Variants in ADGRA2 observed in about 807,000 individuals in gnomAD.
ADGRA2 encodes G-protein coupled receptor 124.
In ADGRA2, 61 loss-of-function variants were observed where a neutral mutation model predicts 98.7. The ratio of observed to expected loss-of-function variants is 0.62; its 90% CI spans 0.50 to 0.76. The LOEUF (loss-of-function observed/expected upper bound fraction) is 0.76, where lower values mean the gene tolerates loss of function less well. Among genes scored for constraint, ADGRA2 ranks in the 30% least tolerant of loss-of-function variants. ADGRA2 has a pLI of 0.00. For missense variants in ADGRA2, 1,712 were observed against 1,860.0 expected (o/e 0.92, Z 1.46); for synonymous variants, 858 against 831.5 (o/e 1.03, Z -0.55).
intron 1 of ADGRA2, among the ~76,000 whole-genome samples, chr8:37,804,100 G>GACACACACACAC (rs60565183): frequency 0.042 from 4,452 of 107,016 alleles, 271 homozygotes; most frequent in East Asian, 0.062. Flanking sequence ...CCCACGGTGA[G>GACACACACACAC]ACACACACAC....
At position 37,797,786 on chromosome 8, in the gene ADGRA2, ACCTGCACAGGTGAAGTGGAGAGCACG is replaced by A. The variant is rs1047066717; in HGVS notation, c.266+259_266+284del. On this transcript the variant is annotated intron_variant, in intron 1 of 18. Coordinates refer to ENST00000412232, the MANE Select transcript of ADGRA2 (RefSeq NM_032777.10). The surrounding 1 kb of genome is among the most constrained non-coding windows in gnomAD (Gnocchi z 5.3). The stretch of plus-strand genomic sequence containing the variant: ...AGAAAGGCACCGCAGGCGCCCACTC[ACCTGCACAGGTGAAGTGGAGAGCACG>A]CCTGCAGGGCACCCACGCCCCGGAT... 6.6e-6 allele frequency among the ~76,000 whole-genome samples: 1 copy of A among 152,154 alleles called. No individual in the cohort carries two copies. The highest frequency in any genetic ancestry group is 6.5e-5 in the Admixed American group (1 of 15,290).
At chr8:37,812,443 C>T (rs996248060) in intron 1 of ADGRA2, among the ~76,000 whole-genome samples, 28 of 152,112 alleles carry the variant, frequency 1.8e-4, no homozygotes, top group Non-Finnish European at 2.5e-4. Flanking sequence ...CTGGCTAACA[C>T]GGTGAAACCC....
chr8:37,841,119 C>T lies in ADGRA2; in HGVS notation c.2781C>T (p.Ala927=). ...TGGTGTGGCGTCCAAGCCTTGGCGC[C>T]TTCTACATCCCTGTGGCTTTGATTC... ...CWLVWRPSLG[A]FYIPVALILL... is the part of the protein sequence containing the mutation. Residue 927 remains alanine (A), a synonymous_variant, in exon 19 of 19, where the codon GCC becomes GCT. Transcript: ENST00000412232. This position sits in a 1 kb window ranked among gnomAD's most constrained non-coding sequence, Gnocchi z 5.0. The T allele has an allele frequency of 1.9e-6, 3 of 1,608,260 alleles. No individual in the cohort carries two copies. Among genetic ancestry groups the T allele is most frequent in the East Asian group, 2.2e-5 (1 of 44,824 alleles).
chr8:37,805,809 C>T (rs1376556789), intron 1 of ADGRA2, among the ~76,000 whole-genome samples: 2 of 152,070 alleles, frequency 1.3e-5, no homozygotes, highest in East Asian at 3.8e-4. Flanking sequence ...GTGGAGGTTG[C>T]AGTGAGCCGA....
chr8:37,839,411 G>T, intron 15 of ADGRA2, 88 bp from the exon 16 acceptor site: 3 of 1,561,350 alleles, frequency 1.9e-6, no homozygotes, highest in Non-Finnish European at 2.6e-6. Context: ...ATATGTGCCT[G>T]CCCCCCGTGG....
Position 37,838,946 on chromosome 8 carries a change from C to A in ADGRA2, c.2260-10C>A, listed in dbSNP as rs1327916617. ...ACATTCCTCACGTCCTCCTTCCTGC[C>A]CTTTCCCAGGAGCTGAGCGCCTTTC... On this transcript the variant is annotated splice_polypyrimidine_tract_variant and intron_variant, in intron 14 of 18. Coordinates refer to ENST00000412232, the MANE Select transcript of ADGRA2 (RefSeq NM_032777.10). The A allele has an allele frequency of 7.1e-6, 11 of 1,558,518 alleles. No individual in the cohort carries two copies. In the African/African-American group the frequency reaches 9.6e-5, roughly 14 times the overall value.
At chr8:37,825,268 TCTCA>T (rs1053628946) in intron 2 of ADGRA2, among the ~76,000 whole-genome samples, 16 of 151,738 alleles carry the variant, frequency 1.1e-4, no homozygotes, top group African/African-American at 3.9e-4. Flanking sequence ...TTTTTAAGAG[TCTCA>T]CTCTGTCGTC....
chr8:37,814,153 G>A lies in ADGRA2; in HGVS notation c.267-743G>A, dbSNP rs947169996. 6.6e-6 allele frequency among the ~76,000 whole-genome samples: 1 copy of A among 152,206 alleles called. No individual in the cohort carries two copies. Among genetic ancestry groups the A allele is most frequent in the African/African-American group, 2.4e-5 (1 of 41,444 alleles). On this transcript the variant is annotated intron_variant, in intron 1 of 18. Transcript: ENST00000412232. The surrounding 1 kb of genome is among the most constrained non-coding windows in gnomAD (Gnocchi z 4.3). ...CCAGCAGGGAGCTTGGCAGAGAAAG[G>A]CTGAGTGGGTGGGCGGAGATGAGAC...
Position 37,835,236 on chromosome 8 carries a change from C to T in ADGRA2, c.1671C>T (p.Thr557=). 6.2e-7 allele frequency: 1 copy of T among 1,614,002 alleles called. No individual in the cohort carries two copies. The highest frequency in any genetic ancestry group is 2.2e-5 in the East Asian group (1 of 44,868). The change falls in exon 12 of 19, where the codon ACC becomes ACT. Residue 557 remains threonine, a synonymous_variant. Coordinates refer to ENST00000412232, the MANE Select transcript of ADGRA2 (RefSeq NM_032777.10). The stretch of plus-strand genomic sequence containing the variant: ...AGCCGCACAGCTACGTGGGCCTGAC[C>T]TGCACAGCCTTCCAGAGGAGGGAGG... ...LIKPHSYVGL[T]CTAFQRREGG...
Position 37,842,063 on chromosome 8 carries a change from T to C in ADGRA2, c.3725T>C (p.Leu1242Pro). ...AGCCGCAACAGCCCGGGCGCCGGCC[T>C]GCAGCTGGAAGGCGAGCCCATGCTC... ...GSSRNSPGAG[L>P]QLEGEPMLTP... Residue 1242 changes from leucine to proline, a missense_variant, in exon 19 of 19, where the codon CTG becomes CCG. Physicochemically the swap from Leu to Pro is moderately conservative, Grantham distance 98. Transcript: ENST00000412232. 1 of 1,516,750 alleles carries C rather than the reference T, an allele frequency of 6.6e-7. No individual in the cohort carries two copies. The highest frequency in any genetic ancestry group is 2.0e-5 in the Admixed American group (1 of 48,794). 94.0% of individuals were successfully genotyped at this position (1,516,750 alleles called of 1,614,324 possible).
Position 37,797,153 on chromosome 8 carries a change from T to C in ADGRA2, c.-116T>C, listed in dbSNP as rs1235413735. 1.2e-5 allele frequency: 9 copies of C among 769,218 alleles called. No homozygotes were observed. The highest frequency in any genetic ancestry group is 1.5e-5 in the Non-Finnish European group (9 of 593,920). The allele number at this position is 769,218 out of a possible 1,614,324, so 47.6% of individuals were successfully genotyped here. A position where few individuals can be genotyped will look rare whatever the true frequency, so the allele number is the denominator to read the frequency against. On this transcript the variant is annotated 5_prime_UTR_variant, in exon 1 of 19. Transcript: ENST00000412232. This position sits in a 1 kb window ranked among gnomAD's most constrained non-coding sequence, Gnocchi z 5.3. ...GGCTCGCCTCCGCCCAGGGCCCCCC[T>C]CCACGCCCTCGGGAGCCCCGGGCCC...
intron 1 of ADGRA2, among the ~76,000 whole-genome samples, chr8:37,800,275 G>A (rs1473831640): frequency 6.6e-6 from 1 of 152,210 alleles, no homozygotes; most frequent in Non-Finnish European, 1.5e-5. Flanking sequence ...TGGACCGGGA[G>A]GTGGGAGGTG....
At position 37,841,276 on chromosome 8, in the gene ADGRA2, AG is replaced by A; in HGVS notation, c.2942del (p.Gly981AlafsTer6). 6.2e-7 allele frequency: 1 copy of A among 1,611,954 alleles called. No homozygotes were observed. Among genetic ancestry groups the A allele is most frequent in the Non-Finnish European group, 8.5e-7 (1 of 1,179,072 alleles). On this transcript the variant is annotated frameshift_variant, in exon 19 of 19. Coordinates refer to ENST00000412232, the MANE Select transcript of ADGRA2 (RefSeq NM_032777.10). LOFTEE classifies it low-confidence loss of function (END_TRUNC). The surrounding 1 kb of genome is among the most constrained non-coding windows in gnomAD (Gnocchi z 5.0). ...GEELRGSTRLRGSGPLLSDSG... is the reference protein window; with the variant it reads ...GEELRGSTRLXGSGPLLSDSG... ...GGAGCTGAGGGGTTCCACCAGGCTCAGGGGCAGCGGCCCCCTCCTGAGTGAC... is the reference window on the plus strand; with the variant it reads ...GGAGCTGAGGGGTTCCACCAGGCTCAGGGCAGCGGCCCCCTCCTGAGTGAC...
At position 37,843,459 on chromosome 8, in the gene ADGRA2, A is replaced by AG. The variant is rs1424640369; in HGVS notation, c.*1108dup. ...GTGGCTGGGGTCCCTGCAGGTCATG[A>AG]GGGGCCTATGCCTTTACTCCTTTTA... On this transcript the variant is annotated 3_prime_UTR_variant, in exon 19 of 19. Transcript: ENST00000412232. The AG allele has an allele frequency of 6.6e-6, 1 of 152,220 alleles. No homozygotes were observed. Among genetic ancestry groups the AG allele is most frequent in the Non-Finnish European group, 1.5e-5 (1 of 68,050 alleles). 9.4% of individuals were successfully genotyped at this position (152,220 alleles called of 1,614,324 possible).
intron 2 of ADGRA2, among the ~76,000 whole-genome samples, chr8:37,823,495 G>A (rs927261803): frequency 7.9e-5 from 12 of 152,030 alleles, no homozygotes; most frequent in Admixed American, 5.2e-4. Context: ...GCTACCACAC[G>A]TGGCCAGTTT....
chr8:37,806,547 C>G (rs1213080403), intron 1 of ADGRA2, among the ~76,000 whole-genome samples: 1 of 56,076 alleles, frequency 1.8e-5, no homozygotes, highest in African/African-American at 2.0e-4. Context: ...TTTTTTGAGA[C>G]AGAGTCGAGT....
intron 1 of ADGRA2, among the ~76,000 whole-genome samples, chr8:37,810,591 G>T (rs1436596625): frequency 1.3e-5 from 2 of 152,048 alleles, no homozygotes; most frequent in Non-Finnish European, 2.9e-5. Flanking sequence ...TCAAACTCCT[G>T]GGCTCAAGTG....
At chr8:37,837,643 T>C (rs1805657658) in intron 13 of ADGRA2, 88 bp from the exon 14 acceptor site, 2 of 1,116,448 alleles carry the variant, frequency 1.8e-6, no homozygotes, top group Non-Finnish European at 2.6e-6. Context: ...GTACACACCC[T>C]GTCACTGCTG....
At chr8:37,803,271 C>T (rs1025569177) in intron 1 of ADGRA2, among the ~76,000 whole-genome samples, 1 of 152,202 alleles carries the variant, frequency 6.6e-6, no homozygotes, top group African/African-American at 2.4e-5. Context: ...GTGGAGGCAC[C>T]GGCTGCTCCC....
Sources: allele counts gnomAD v4.1 joint callset (sites outside exome capture counted in the v4.1 genomes callset), GRCh38; gene constraint gnomAD v4.1.1; non-coding constraint Gnocchi (gnomAD v3.1); transcripts MANE v1.5; gene names NCBI Gene and HGNC (gene_info 2026-07-23, HGNC 2026-07-21).